The following ANKH variants were observed in gnomAD, a reference collection of about 807,000 sequenced individuals.
ANKH encodes ANKH inorganic pyrophosphate transport regulator.
Under a neutral mutation model 49.0 loss-of-function variants are expected in ANKH, and 15 were observed. The ratio of observed to expected loss-of-function variants is 0.31; its 90% CI spans 0.20 to 0.47. The LOEUF is 0.47. ANKH is among the 20% of genes least tolerant of loss of function. ANKH has a pLI of 1.00. For synonymous variants in ANKH, 273 were observed against 260.0 expected, an observed-to-expected ratio of 1.05 and a Z score of -0.48; for missense variants, 429 against 652.0, an observed-to-expected ratio of 0.66 and a Z score of 3.72.
intron 1 of ANKH, among the ~76,000 whole-genome samples, chr5:14,793,543 T>C (rs561492823): frequency 6.6e-6 from 1 of 152,040 alleles, no homozygotes; most frequent in Admixed American, 6.5e-5. Flanking sequence ...GGTAAGGGGC[T>C]GAGTAACGGG....
chr5:14,771,219 A>G (rs893379335), intron 1 of ANKH, among the ~76,000 whole-genome samples: 3 of 152,258 alleles, frequency 2.0e-5, no homozygotes, highest in African/African-American at 4.8e-5. Flanking sequence ...ATACTACATT[A>G]TGACAAAACA....
chr5:14,820,896 G>A (rs1355919313), intron 1 of ANKH, among the ~76,000 whole-genome samples: 3 of 152,106 alleles, frequency 2.0e-5, no homozygotes, highest in Non-Finnish European at 2.9e-5. Flanking sequence ...CCAGGAATTC[G>A]AGACCAGCCT....
chr5:14,797,220 G>A (rs1224182664), intron 1 of ANKH: 6 of 1,335,436 alleles, frequency 4.5e-6, no homozygotes, highest in Non-Finnish European at 6.5e-6. Context: ...ATTGTCTTCC[G>A]ATACAGAACA....
intron 1 of ANKH, among the ~76,000 whole-genome samples, chr5:14,784,214 CTAACAACATAATAGGG>C (rs570841491): frequency 2.0e-5 from 3 of 152,226 alleles, no homozygotes; most frequent in Non-Finnish European, 4.4e-5. Flanking sequence ...TAAGTTTTAT[CTAACAACATAATAGGG>C]TAACAACTAA....
chr5:14,824,348 T>C (rs1741280142), intron 1 of ANKH, among the ~76,000 whole-genome samples: 1 of 152,126 alleles, frequency 6.6e-6, no homozygotes, highest in Non-Finnish European at 1.5e-5. Context: ...ACTAGAAGCA[T>C]AAAGGGCAAC....
intron 1 of ANKH, among the ~76,000 whole-genome samples, chr5:14,779,434 C>T (rs548323836): frequency 4.1e-4 from 62 of 152,248 alleles, no homozygotes; most frequent in African/African-American, 1.5e-3. Flanking sequence ...TGTGCAGATC[C>T]GAGACTCTGT....
chr5:14,774,911 T>G (rs921200358), intron 1 of ANKH, among the ~76,000 whole-genome samples: 1 of 151,946 alleles, frequency 6.6e-6, no homozygotes, highest in Non-Finnish European at 1.5e-5. Context: ...TACTGTGATA[T>G]GTACTGAAGA....
At chr5:14,839,290 T>G (rs1741749633) in intron 1 of ANKH, among the ~76,000 whole-genome samples, 1 of 152,222 alleles carries the variant, frequency 6.6e-6, no homozygotes, top group Non-Finnish European at 1.5e-5. Flanking sequence ...AAGATTATGT[T>G]CTTTCATTAT....
intron 1 of ANKH, among the ~76,000 whole-genome samples, chr5:14,827,763 G>C (rs1741386291): frequency 1.3e-5 from 2 of 151,842 alleles, no homozygotes; most frequent in South Asian, 4.2e-4. Context: ...TTTTTTTTGG[G>C]AGATTCTACT....
At chr5:14,764,789 C>G (rs917177433) in intron 2 of ANKH, among the ~76,000 whole-genome samples, 3 of 152,190 alleles carry the variant, frequency 2.0e-5, no homozygotes, top group African/African-American at 7.2e-5. Context: ...GCAAACAGAA[C>G]TGGTCCAGAA....
chr5:14,811,091 C>G (rs141634716), intron 1 of ANKH, among the ~76,000 whole-genome samples: 1 of 152,288 alleles, frequency 6.6e-6, no homozygotes, highest in Non-Finnish European at 1.5e-5. Context: ...ACTGCACAGC[C>G]TCCTCACTAA....
intron 1 of ANKH, among the ~76,000 whole-genome samples, chr5:14,865,829 C>A (rs1160366850): frequency 6.6e-6 from 1 of 152,160 alleles, no homozygotes; most frequent in Non-Finnish European, 1.5e-5. Flanking sequence ...TAATTTGGAA[C>A]CCTCTTATAC....
chr5:14,849,736 C>T (rs990042344), intron 1 of ANKH, among the ~76,000 whole-genome samples: 2 of 152,242 alleles, frequency 1.3e-5, no homozygotes, highest in African/African-American at 2.4e-5. Context: ...CTAACCATAG[C>T]TGTGCCGGAC....
At chr5:14,727,194 T>A (rs955425484) in intron 8 of ANKH, among the ~76,000 whole-genome samples, 3 of 152,178 alleles carry the variant, frequency 2.0e-5, no homozygotes, top group Non-Finnish European at 1.5e-5. Context: ...TGGAAAAGCA[T>A]ATTACAAAGT....
chr5:14,756,865 T>C (rs1241906245), intron 3 of ANKH, among the ~76,000 whole-genome samples: 1 of 152,242 alleles, frequency 6.6e-6, no homozygotes, highest in Non-Finnish European at 1.5e-5. Context: ...CATCTCTTGC[T>C]GTTATACCAG....
At chr5:14,803,661 G>C (rs1020493306) in intron 1 of ANKH, among the ~76,000 whole-genome samples, 2 of 151,954 alleles carry the variant, frequency 1.3e-5, no homozygotes, top group East Asian at 3.9e-4. Flanking sequence ...ATACTCCCTT[G>C]ATCTTAGTAA....
At chr5:14,861,406 G>A (rs571742986) in intron 1 of ANKH, among the ~76,000 whole-genome samples, 9 of 152,178 alleles carry the variant, frequency 5.9e-5, no homozygotes, top group Non-Finnish European at 8.8e-5. Flanking sequence ...TAATCAGGAT[G>A]ACAAAATGTC....
chr5:14,716,098 C>A (rs1394259155), intron 9 of ANKH, among the ~76,000 whole-genome samples: 2 of 152,120 alleles, frequency 1.3e-5, no homozygotes, highest in Non-Finnish European at 2.9e-5. Flanking sequence ...CATTTGTGTT[C>A]CCACCACCAC....
At chr5:14,863,966 A>G (rs1735574798) in intron 1 of ANKH, among the ~76,000 whole-genome samples, 1 of 152,156 alleles carries the variant, frequency 6.6e-6, no homozygotes, top group South Asian at 2.1e-4. Flanking sequence ...TGTAATCCCA[A>G]CAGTTTGGGA....
Sources: allele counts gnomAD v4.1 joint callset (sites outside exome capture counted in the v4.1 genomes callset), GRCh38; gene constraint gnomAD v4.1.1; transcripts MANE v1.5; gene names NCBI Gene and HGNC (gene_info 2026-07-23, HGNC 2026-07-21).